FOXP2: variants seen among roughly 807,000 people sequenced by gnomAD.
The protein encoded by FOXP2 is forkhead box protein P2.
FOXP2 carries 12 observed loss-of-function variants against 115.8 expected under a neutral mutation model. That is an observed-to-expected ratio of 0.10 (90% CI 0.07 to 0.17). The LOEUF (loss-of-function observed/expected upper bound fraction) is 0.17, where lower values mean the gene tolerates loss of function less well. Ranked by LOEUF, FOXP2 falls within the 10% of genes least tolerant of loss-of-function variation. The pLI, the probability that FOXP2 is intolerant of heterozygous loss-of-function variation, is 1.00. For missense variants in FOXP2, 629 were observed against 843.5 expected (o/e 0.75, Z 3.15); for synonymous variants, 328 against 297.7 (o/e 1.10, Z -1.05).
At chr7:114,258,765 C>T (rs573093367) in intron 1 of FOXP2, among the ~76,000 whole-genome samples, 38 of 152,226 alleles carry the variant, frequency 2.5e-4, no homozygotes, top group South Asian at 8.3e-4. Context: ...TTAAAAACAT[C>T]AGAAACATTA....
At chr7:114,411,404 C>T (rs997897110), upstream of FOXP2, among the ~76,000 whole-genome samples, 2 of 152,076 alleles carry the variant, frequency 1.3e-5, no homozygotes, top group African/African-American at 2.4e-5. Flanking sequence ...CAGAATTCCC[C>T]TGTAGTTTAT....
At chr7:114,186,795 G>A (rs1433516604) in intron 1 of FOXP2, among the ~76,000 whole-genome samples, 2 of 152,196 alleles carry the variant, frequency 1.3e-5, no homozygotes, top group Non-Finnish European at 2.9e-5. Context: ...TGCAGAGTTA[G>A]CGCCATGTGG....
intron 1 of FOXP2, among the ~76,000 whole-genome samples, chr7:114,186,144 C>T (rs1322157287): frequency 2.0e-5 from 3 of 152,100 alleles, no homozygotes; most frequent in Admixed American, 6.5e-5. Context: ...TTGGACGGGA[C>T]GTATGTTCAA....
chr7:114,362,412 ACAAAAAG>A (rs980182395), intron 2 of FOXP2, among the ~76,000 whole-genome samples: 57 of 152,064 alleles, frequency 3.7e-4, no homozygotes, highest in African/African-American at 7.0e-4. Context: ...TAGAAAAAAA[ACAAAAAG>A]CAAAAAACAA....
At chr7:114,409,695 G>A (rs537362038), upstream of FOXP2, among the ~76,000 whole-genome samples, 233 of 152,160 alleles carry the variant, frequency 1.5e-3, 1 homozygote, top group African/African-American at 5.2e-3. Context: ...TTGCATCATA[G>A]AATTATTGTT....
At chr7:114,492,057 G>A (rs2129244602) in intron 2 of FOXP2, among the ~76,000 whole-genome samples, 1 of 152,114 alleles carries the variant, frequency 6.6e-6, no homozygotes, top group East Asian at 1.9e-4. Context: ...TTTTTTGGTT[G>A]GTAAGCTATT....
intron 2 of FOXP2, among the ~76,000 whole-genome samples, chr7:114,376,847 G>C (rs1792150170): frequency 6.6e-6 from 1 of 152,234 alleles, no homozygotes; most frequent in Non-Finnish European, 1.5e-5. Context: ...TGGATAGATT[G>C]TGAGAAAGGA....
intron 2 of FOXP2, among the ~76,000 whole-genome samples, chr7:114,449,037 G>C (rs954488077): frequency 2.1e-4 from 32 of 151,942 alleles, no homozygotes; most frequent in Admixed American, 1.3e-4. Context: ...TGATGCCCCA[G>C]TTTCCTCATC....
chr7:114,580,630 G>A lies in FOXP2; in HGVS notation c.258+45924G>A, dbSNP rs114647613. Among the ~76,000 whole-genome samples the A allele has an allele frequency of 5.7e-3, 866 of 151,794 alleles. 6 individuals carry two copies. Among genetic ancestry groups the A allele is most frequent in the African/African-American group, 0.019 (803 of 41,422 alleles). ...AACAGAAAACAAGAAAGAAAAGAAA[G>A]AATACAACGACTTGATTTTTAAAAG... On this transcript the variant is annotated intron_variant, in intron 3 of 16. Transcript: ENST00000350908.
intron 2 of FOXP2, among the ~76,000 whole-genome samples, chr7:114,522,051 T>A (rs1361937647): frequency 6.6e-6 from 1 of 152,192 alleles, no homozygotes; most frequent in Non-Finnish European, 1.5e-5. Context: ...TTCTTGGGGT[T>A]ATAAAAGATG....
chr7:114,543,178 T>C (rs11979555), intron 3 of FOXP2, among the ~76,000 whole-genome samples: 1 of 152,218 alleles, frequency 6.6e-6, no homozygotes, highest in Non-Finnish European at 1.5e-5. Flanking sequence ...TTATGTTTGG[T>C]CACTAAGTTC....
At chr7:114,568,469 G>GT (rs962184243) in intron 3 of FOXP2, among the ~76,000 whole-genome samples, 7 of 150,006 alleles carry the variant, frequency 4.7e-5, no homozygotes. Context: ...TTGTTTGTTT[G>GT]TTTTTTGTCA....
At chr7:114,684,898 A>G (rs1456047937) in intron 16 of FOXP2, among the ~76,000 whole-genome samples, 2 of 152,168 alleles carry the variant, frequency 1.3e-5, no homozygotes, top group African/African-American at 2.4e-5. Flanking sequence ...ATGAAACTGT[A>G]ATATACTAGT....
At chr7:114,515,426 G>A (rs913156812) in intron 2 of FOXP2, among the ~76,000 whole-genome samples, 29 of 151,444 alleles carry the variant, frequency 1.9e-4, no homozygotes, top group South Asian at 4.2e-4. Context: ...GGTGTGAGAT[G>A]GTATCTTATT....
At chr7:114,582,183 CA>C (rs1430108551) in intron 3 of FOXP2, among the ~76,000 whole-genome samples, 5 of 152,056 alleles carry the variant, frequency 3.3e-5, no homozygotes, top group African/African-American at 1.2e-4. Context: ...CCATTAAGGG[CA>C]CAGAGAGAGG....
intron 1 of FOXP2, among the ~76,000 whole-genome samples, chr7:114,209,573 C>T (rs147405110): frequency 0.018 from 2,666 of 152,138 alleles, 40 homozygotes; most frequent in Middle Eastern, 0.038. Flanking sequence ...TCTGGCTGCC[C>T]GTAACATTTT....
chr7:114,202,751 T>C (rs777937308), intron 1 of FOXP2, among the ~76,000 whole-genome samples: 24 of 152,196 alleles, frequency 1.6e-4, no homozygotes, highest in Non-Finnish European at 2.8e-4. Flanking sequence ...TATATAGTTA[T>C]ACTCCCCTAA....
In FOXP2 at chr7:114,506,443, C is replaced by G. The variant is rs548752741; in HGVS notation, c.169-28174C>G. On this transcript the variant is annotated intron_variant, in intron 2 of 16. Transcript: ENST00000350908. ...AAGTATACTTTCATGGAAACTAAGA[C>G]AGAAATCATATATTAGTACTACCAA... 2.6e-5 allele frequency among the ~76,000 whole-genome samples: 4 copies of G among 151,624 alleles called. No homozygotes were observed. In the South Asian group the frequency reaches 6.2e-4, roughly 24 times the overall value.
At chr7:114,169,485 G>A (rs1359553229) in intron 1 of FOXP2, among the ~76,000 whole-genome samples, 1 of 152,188 alleles carries the variant, frequency 6.6e-6, no homozygotes, top group Non-Finnish European at 1.5e-5. Context: ...ATTTGGAATG[G>A]CTGTGTTTTC....
Sources: allele counts gnomAD v4.1 joint callset (sites outside exome capture counted in the v4.1 genomes callset), GRCh38; gene constraint gnomAD v4.1.1; transcripts MANE v1.5; gene names NCBI Gene and HGNC (gene_info 2026-07-23, HGNC 2026-07-21).